WNT3A: variants seen among roughly 807,000 people sequenced by gnomAD.
WNT3A encodes the protein Wnt family member 3A.
Under a neutral mutation model 37.0 loss-of-function variants are expected in WNT3A, and 17 were observed. The observed-to-expected ratio is 0.46, with a 90% CI of 0.31 to 0.69. The LOEUF is 0.69. Ranked by LOEUF, WNT3A falls within the 30% of genes least tolerant of loss-of-function variation. The probability of loss-of-function intolerance (pLI) is 0.05; values close to 1 mark genes in which losing one functional copy is unlikely to be tolerated. For missense variants in WNT3A, 411 were observed against 510.2 expected (o/e 0.81, Z 1.87); for synonymous variants, 187 against 211.0 (o/e 0.89, Z 0.99).
rs528897942 is a variant in WNT3A at position 228,024,069 on chromosome 1, C to T, written c.313+1161C>T. Among the ~76,000 whole-genome samples, 13 of 152,336 alleles carry T rather than the reference C, an allele frequency of 8.5e-5. No homozygotes were observed. The South Asian group carries it at 1.9e-3, about 22-fold the overall frequency. ...CGTTCTTCAGGTTGACGCATATGAG[C>T]GTGGTCTCCACCTTTTGGCTGCTGT... On this transcript the variant is annotated intron_variant, in intron 2 of 3. Coordinates refer to ENST00000284523, the MANE Select transcript of WNT3A (RefSeq NM_033131.4).
rs1571809046 is a variant in WNT3A at position 228,042,876 on chromosome 1, G to T, written c.314-7780G>T. On this transcript the variant is annotated intron_variant, in intron 2 of 3. Transcript: ENST00000284523. This position sits in a 1 kb window ranked among gnomAD's most constrained non-coding sequence, Gnocchi z 5.2. ...TGGGTGATGGGTGGATGGATAGATG[G>T]GTGGTGGATGGTGGATGATTGTACA... 6.6e-6 allele frequency among the ~76,000 whole-genome samples: 1 copy of T among 151,774 alleles called. No individual in the cohort carries two copies. The highest frequency in any genetic ancestry group is 6.6e-5 in the Admixed American group (1 of 15,226).
chr1:228,025,049 G>T (rs1164894604), intron 2 of WNT3A, among the ~76,000 whole-genome samples: 1 of 152,142 alleles, frequency 6.6e-6, no homozygotes, highest in African/African-American at 2.4e-5. Flanking sequence ...TAGCTTTGTG[G>T]TATGTTTTGA....
intron 2 of WNT3A, among the ~76,000 whole-genome samples, chr1:228,045,773 T>C (rs1017038253): frequency 6.6e-6 from 1 of 152,108 alleles, no homozygotes; most frequent in Non-Finnish European, 1.5e-5. Flanking sequence ...GGAGGTTGCA[T>C]GATGGGCCTG....
At chr1:228,056,560 G>T (rs2031686322) in intron 3 of WNT3A, among the ~76,000 whole-genome samples, 1 of 152,212 alleles carries the variant, frequency 6.6e-6, no homozygotes, top group Admixed American at 6.5e-5. Context: ...AGAGCAAGGA[G>T]AAGATTTGGA....
chr1:228,044,605 C>T (rs1031562870), intron 2 of WNT3A, among the ~76,000 whole-genome samples: 1 of 152,208 alleles, frequency 6.6e-6, no homozygotes, highest in East Asian at 1.9e-4. Flanking sequence ...TATATTTGGC[C>T]TTCATGCATC....
At chr1:228,051,737 C>T (rs1022236513) in intron 3 of WNT3A, among the ~76,000 whole-genome samples, 1 of 152,178 alleles carries the variant, frequency 6.6e-6, no homozygotes, top group African/African-American at 2.4e-5. Context: ...GTTTAATTGG[C>T]TCATGGATCT....
At position 228,037,022 on chromosome 1, in the gene WNT3A, C is replaced by G. The variant is rs918832380; in HGVS notation, c.314-13634C>G. Among the ~76,000 whole-genome samples, 10 of 152,212 alleles carry G rather than the reference C, an allele frequency of 6.6e-5. No homozygotes were observed. The highest frequency in any genetic ancestry group is 1.9e-4 in the East Asian group (1 of 5,154). On this transcript the variant is annotated intron_variant, in intron 2 of 3. Coordinates refer to ENST00000284523, the MANE Select transcript of WNT3A (RefSeq NM_033131.4). This position sits in a 1 kb window ranked among gnomAD's most constrained non-coding sequence, Gnocchi z 4.1. The stretch of plus-strand genomic sequence containing the variant: ...CATGGGCTGGGCCCAGGAGTCCCCC[C>G]GGGCCCTGGCACCTGCCAGATAGGT...
intron 1 of WNT3A, among the ~76,000 whole-genome samples, chr1:228,021,036 G>A (rs2102764473): frequency 6.6e-6 from 1 of 152,298 alleles, no homozygotes; most frequent in East Asian, 1.9e-4. Context: ...TTTAAATTGA[G>A]GTGTATTTTG....
chr1:228,022,746 A>G lies in WNT3A; in HGVS notation c.151A>G (p.Lys51Glu). ...LCASIPGLVP[K>E]QLRFCRNYVE... ...TGCCAGCATCCCGGGCCTGGTCCCC[A>G]AGCAGCTCCGCTTCTGCAGGAACTA... is the stretch of plus-strand genomic sequence containing the variant. Residue 51 changes from lysine to glutamate, a missense_variant, in exon 2 of 4, where the codon AAG becomes GAG. By Grantham distance (56) the Lys-to-Glu change is moderately conservative. Coordinates refer to ENST00000284523, the MANE Select transcript of WNT3A (RefSeq NM_033131.4). The G allele has an allele frequency of 6.2e-7, 1 of 1,614,144 alleles. No homozygotes were observed. The highest frequency in any genetic ancestry group is 8.5e-7 in the Non-Finnish European group (1 of 1,180,018).
intron 3 of WNT3A, among the ~76,000 whole-genome samples, chr1:228,058,555 C>T (rs1199035214): frequency 1.3e-5 from 2 of 152,236 alleles, no homozygotes; most frequent in African/African-American, 4.8e-5. Flanking sequence ...TACTCATGCT[C>T]AGGACTCGTG....
At position 228,059,758 on chromosome 1, in the gene WNT3A, G is replaced by T; in HGVS notation, c.*293G>T. ...TGGGGACGGGGCTCCCCTGGACAGA[G>T]GCGGGGCTACAGATTGGGCGGGGCT... On this transcript the variant is annotated 3_prime_UTR_variant, in exon 4 of 4. Transcript: ENST00000284523. 1.6e-6 allele frequency: 2 copies of T among 1,240,680 alleles called. No homozygotes were observed. The highest frequency in any genetic ancestry group is 2.0e-6 in the Non-Finnish European group (2 of 990,902). 76.9% of individuals were successfully genotyped at this position (1,240,680 alleles called of 1,614,324 possible). A position where few individuals can be genotyped will look rare whatever the true frequency, so the allele number is the denominator to read the frequency against.
intron 2 of WNT3A, among the ~76,000 whole-genome samples, chr1:228,036,876 G>A (rs1453706946): frequency 6.6e-6 from 1 of 152,238 alleles, no homozygotes; most frequent in African/African-American, 2.4e-5. Context: ...TCTGCAGAGA[G>A]CCTGGCCTGC....
At position 228,007,078 on chromosome 1, in the gene WNT3A, G is replaced by T; in HGVS notation, c.-51G>T. 7.0e-7 allele frequency: 1 copy of T among 1,420,166 alleles called. No individual in the cohort carries two copies. The highest frequency in any genetic ancestry group is 9.4e-7 in the Non-Finnish European group (1 of 1,067,072). 88.0% of individuals were successfully genotyped at this position (1,420,166 alleles called of 1,614,324 possible). A position where few individuals can be genotyped will look rare whatever the true frequency, so the allele number is the denominator to read the frequency against. ...CTCCCAGGGCCCGGCCCCCCCCGGC[G>T]CTCACGCTCTCGGGGCGGACTCCCG... On this transcript the variant is annotated 5_prime_UTR_variant, in exon 1 of 4. Coordinates refer to ENST00000284523, the MANE Select transcript of WNT3A (RefSeq NM_033131.4). The surrounding 1 kb of genome is among the most constrained non-coding windows in gnomAD (Gnocchi z 6.0).
chr1:228,015,712 C>G (rs1571793052), intron 1 of WNT3A, among the ~76,000 whole-genome samples: 1 of 150,892 alleles, frequency 6.6e-6, no homozygotes, highest in African/African-American at 2.4e-5. Context: ...CGCCTCCCCC[C>G]CACCCCCGCC....
At chr1:228,011,846 G>A (rs1036778521) in intron 1 of WNT3A, among the ~76,000 whole-genome samples, 24 of 152,184 alleles carry the variant, frequency 1.6e-4, no homozygotes, top group African/African-American at 5.8e-4. Context: ...CCCTCCTGAG[G>A]GTGACGGTCA....
At chr1:228,011,651 CTCTG>C (rs2030377386) in intron 1 of WNT3A, among the ~76,000 whole-genome samples, 1 of 152,194 alleles carries the variant, frequency 6.6e-6, no homozygotes, top group Non-Finnish European at 1.5e-5. Context: ...CTCTTTTCAT[CTCTG>C]TCTTTCTGTC....
chr1:228,033,486 A>T (rs1368776414), intron 2 of WNT3A, among the ~76,000 whole-genome samples: 9 of 152,150 alleles, frequency 5.9e-5, no homozygotes, highest in Admixed American at 2.0e-4. Flanking sequence ...AGATGTATGA[A>T]TTTATCTCTG....
At chr1:228,046,653 C>T (rs992644429) in intron 2 of WNT3A, among the ~76,000 whole-genome samples, 7 of 147,320 alleles carry the variant, frequency 4.8e-5, no homozygotes, top group Non-Finnish European at 1.0e-4. Context: ...GCATGGTGTG[C>T]ATGTGTGGGG....
intron 1 of WNT3A, among the ~76,000 whole-genome samples, chr1:228,020,319 G>A (rs989987170): frequency 2.0e-5 from 3 of 152,246 alleles, no homozygotes; most frequent in Non-Finnish European, 2.9e-5. Flanking sequence ...CTCTGCTGGC[G>A]TTCCTGGGTG....
Sources: allele counts gnomAD v4.1 joint callset (sites outside exome capture counted in the v4.1 genomes callset), GRCh38; gene constraint gnomAD v4.1.1; non-coding constraint Gnocchi (gnomAD v3.1); transcripts MANE v1.5; gene names NCBI Gene and HGNC (gene_info 2026-07-23, HGNC 2026-07-21).